The following PRRC2B variants were observed in gnomAD, a reference collection of about 807,000 sequenced individuals.
PRRC2B encodes protein PRRC2B.
In PRRC2B, 68 loss-of-function variants were observed where a neutral mutation model predicts 242.3. The observed-to-expected ratio is 0.28, with a 90% CI of 0.23 to 0.34. The LOEUF (loss-of-function observed/expected upper bound fraction) is 0.34. PRRC2B is among the 10% of genes least tolerant of loss of function. The probability of loss-of-function intolerance (pLI) is 1.00; values close to 1 mark genes in which losing one functional copy is unlikely to be tolerated. For synonymous variants in PRRC2B, 1,228 were observed against 1,173.6 expected (o/e 1.05, Z -0.95); for missense variants, 2,835 against 2,954.8 (o/e 0.96, Z 0.94).
At chr9:131,491,729 C>A in intron 29 of PRRC2B, 149 bp downstream of exon 29, 2 of 767,804 alleles carry the variant, frequency 2.6e-6, no homozygotes, top group Non-Finnish European at 4.0e-6. Context: ...GTGGGGCCAT[C>A]ACAGAGGCAG....
chr9:131,483,240 T>G, intron 22 of PRRC2B, 119 bp from the exon 23 acceptor site: 1 of 960,790 alleles, frequency 1.0e-6, no homozygotes. Context: ...GTGGCTCCAG[T>G]GAATGCTGCT....
At position 131,432,777 on chromosome 9, in the gene PRRC2B, T is replaced by C; in HGVS notation, c.276T>C (p.Asp92=). 6.2e-7 allele frequency: 1 copy of C among 1,613,940 alleles called. No individual in the cohort carries two copies. The highest frequency in any genetic ancestry group is 1.1e-5 in the South Asian group (1 of 91,086). The change falls in exon 3 of 32, where the codon GAT becomes GAC. Residue 92 remains aspartate, a synonymous_variant. Transcript: ENST00000683519. ...KDGTGWANKQ[D]QQDPKSSSAT... ...GGACGGGATGGGCAAACAAGCAGGA[T>C]CAGCAAGACCCAAAGAGGTAAACGG...
At chr9:131,417,026 ATC>A (rs1837677626) in intron 1 of PRRC2B, among the ~76,000 whole-genome samples, 2 of 152,058 alleles carry the variant, frequency 1.3e-5, no homozygotes, top group African/African-American at 4.8e-5. Flanking sequence ...TTAGTTGGTC[ATC>A]TCTCAGATAC....
At chr9:131,429,002 C>T (rs958265608) in intron 1 of PRRC2B, among the ~76,000 whole-genome samples, 5 of 152,154 alleles carry the variant, frequency 3.3e-5, no homozygotes, top group African/African-American at 4.8e-5. Flanking sequence ...GTCGCCTAGA[C>T]GGGAGTGCAG....
At chr9:131,479,518 T>C in intron 19 of PRRC2B, 125 bp downstream of exon 19, 1 of 937,616 alleles carries the variant, frequency 1.1e-6, no homozygotes, top group South Asian at 1.7e-5. Flanking sequence ...AGTACCTGTT[T>C]GCTGTGTTCC....
intron 1 of PRRC2B, among the ~76,000 whole-genome samples, chr9:131,414,616 A>C (rs1278337142): frequency 6.8e-6 from 1 of 147,030 alleles, no homozygotes; most frequent in Non-Finnish European, 1.5e-5. Context: ...TGTCGCCCAG[A>C]CTGGAGTGTA....
Position 131,475,284 on chromosome 9 carries a change from T to C in PRRC2B, c.3155T>C (p.Ile1052Thr), listed in dbSNP as rs373309563. Reference sequence around the variant, plus strand: ...ATGAAGAGAAATAACTGGATCTTTATTGATGAGGAGCAAGCCTTTGGGGTC... The same window carrying C: ...ATGAAGAGAAATAACTGGATCTTTACTGATGAGGAGCAAGCCTTTGGGGTC... ...PPMKRNNWIF[I>T]DEEQAFGVRG... The change falls in exon 16 of 32, where the codon ATT (isoleucine) becomes ACT (threonine). Residue 1052 changes from isoleucine (I) to threonine (T), a missense_variant. By Grantham distance (89) the Ile-to-Thr change is moderately conservative. Transcript: ENST00000683519. 3.7e-6 allele frequency: 6 copies of C among 1,612,102 alleles called. No homozygotes were observed. The South Asian group carries it at 4.4e-5, about 12-fold the overall frequency.
At chr9:131,490,310 C>T (rs191337827) in intron 28 of PRRC2B, among the ~76,000 whole-genome samples, 7 of 151,938 alleles carry the variant, frequency 4.6e-5, no homozygotes, top group African/African-American at 1.4e-4. Context: ...TCATCCCCTC[C>T]ACACCCCTGC....
At chr9:131,472,694 G>T (rs1943580834) in intron 14 of PRRC2B, among the ~76,000 whole-genome samples, 1 of 152,004 alleles carries the variant, frequency 6.6e-6, no homozygotes, top group African/African-American at 2.4e-5. Flanking sequence ...GGTCAGGCTG[G>T]TCTCGAACTC....
intron 1 of PRRC2B, among the ~76,000 whole-genome samples, chr9:131,396,039 A>G (rs966008073): frequency 2.0e-5 from 3 of 152,186 alleles, no homozygotes; most frequent in Non-Finnish European, 4.4e-5. Context: ...TCTGGTCCTC[A>G]TCGGGTTACC....
chr9:131,417,594 A>G (rs1837694167), intron 1 of PRRC2B, among the ~76,000 whole-genome samples: 1 of 152,020 alleles, frequency 6.6e-6, no homozygotes, highest in South Asian at 2.1e-4. Context: ...AGTCTGTGAA[A>G]TCTGTTCATA....
chr9:131,491,600 C>A lies in PRRC2B; in HGVS notation c.6381+20C>A. 6.3e-7 allele frequency: 1 copy of A among 1,595,230 alleles called. No homozygotes were observed. The highest frequency in any genetic ancestry group is 8.5e-7 in the Non-Finnish European group (1 of 1,170,858). ...AGAGAGGTAAGGGGACCCCATCTGC[C>A]TCTGACCCTAGGGAGGGGGCCTTGT... On this transcript the variant is annotated intron_variant, in intron 29 of 31. Coordinates refer to ENST00000683519, the MANE Select transcript of PRRC2B (RefSeq NM_013318.4).
intron 5 of PRRC2B, among the ~76,000 whole-genome samples, chr9:131,443,384 C>T (rs900210903): frequency 3.3e-5 from 5 of 151,938 alleles, no homozygotes; most frequent in Admixed American, 2.6e-4. Context: ...GATCCGCCCG[C>T]GTCGGCCTCC....
At chr9:131,416,295 G>A (rs1007959788) in intron 1 of PRRC2B, among the ~76,000 whole-genome samples, 2 of 152,084 alleles carry the variant, frequency 1.3e-5, no homozygotes, top group Admixed American at 6.5e-5. Flanking sequence ...CTTTAGTAGG[G>A]ATGGGGTTTC....
At chr9:131,491,719 G>C in intron 29 of PRRC2B, 139 bp downstream of exon 29, 2 of 827,596 alleles carry the variant, frequency 2.4e-6, no homozygotes, top group Non-Finnish European at 3.6e-6. Context: ...GTGACCATGT[G>C]TGGGGCCATC....
chr9:131,459,077 T>C (rs1943166252), intron 10 of PRRC2B, 87 bp from the exon 11 acceptor site: 1 of 1,193,764 alleles, frequency 8.4e-7, no homozygotes, highest in Admixed American at 2.0e-5. Context: ...GACAGCTGAC[T>C]TGGGAATTCT....
chr9:131,476,138 G>A lies in PRRC2B; in HGVS notation c.4009G>A (p.Gly1337Ser), dbSNP rs765594070. Reference protein sequence around the residue: ...GPEEEPHLLAGQWPGRPKLCS... With the variant: ...GPEEEPHLLASQWPGRPKLCS... ...CGAGGAGGAGCCCCACCTGCTGGCA[G>A]GTCAGTGGCCAGGCAGGCCCAAACT... The change falls in exon 16 of 32, where the codon GGT becomes AGT. Residue 1337 changes from glycine to serine, a missense_variant. Around this residue, in one of 7 missense-constraint regions of PRRC2B, gnomAD observed 1,536 missense variants for 1,483.1 expected, o/e 1.04. Transcript: ENST00000683519. The A allele has an allele frequency of 6.2e-7, 1 of 1,611,216 alleles. No individual in the cohort carries two copies. The highest frequency in any genetic ancestry group is 8.5e-7 in the Non-Finnish European group (1 of 1,178,218).
Position 131,464,188 on chromosome 9 carries a change from C to G in PRRC2B, c.1405-575C>G, listed in dbSNP as rs192248027. ...AACTCCTGACCTCAGGTGATCCACC[C>G]GCCTCAGACTCCCAAAGTGCTGGGA... is the stretch of plus-strand genomic sequence containing the variant. On this transcript the variant is annotated intron_variant, in intron 11 of 31. Coordinates refer to ENST00000683519, the MANE Select transcript of PRRC2B (RefSeq NM_013318.4). 2.7e-3 allele frequency among the ~76,000 whole-genome samples: 406 copies of G among 152,328 alleles called. 3 individuals are homozygous for G. The highest frequency in any genetic ancestry group is 4.4e-3 in the Non-Finnish European group (302 of 68,028).
At chr9:131,378,433 T>C (rs946066678) in intron 1 of PRRC2B, among the ~76,000 whole-genome samples, 12 of 152,000 alleles carry the variant, frequency 7.9e-5, no homozygotes, top group African/African-American at 2.9e-4. Context: ...GACACACCAT[T>C]GGGGCCCAGG....
Sources: allele counts gnomAD v4.1 joint callset (sites outside exome capture counted in the v4.1 genomes callset), GRCh38; gene constraint gnomAD v4.1.1; regional missense constraint gnomAD v4.1.1; transcripts MANE v1.5; gene names NCBI Gene and HGNC (gene_info 2026-07-23, HGNC 2026-07-21).